Variants in CLSTN1 observed in about 807,000 individuals in gnomAD.
CLSTN1 encodes the protein calsyntenin 1, also known as calsyntenin-1.
Under a neutral mutation model 108.3 loss-of-function variants are expected in CLSTN1, and 28 were observed. That is an observed-to-expected ratio of 0.26 (90% CI 0.19 to 0.35). The LOEUF (loss-of-function observed/expected upper bound fraction) is 0.35. Ranked by LOEUF, CLSTN1 falls within the 10% of genes least tolerant of loss-of-function variation. CLSTN1 has a pLI of 1.00. For missense variants in CLSTN1, 1,157 were observed against 1,302.6 expected, an observed-to-expected ratio of 0.89 and a Z score of 1.72; for synonymous variants, 524 against 534.9, an observed-to-expected ratio of 0.98 and a Z score of 0.28.
intron 1 of CLSTN1, among the ~76,000 whole-genome samples, chr1:9,786,913 T>C (rs901830967): frequency 6.6e-6 from 1 of 151,288 alleles, no homozygotes. Context: ...GGAACCCCTA[T>C]GTCCTTCTCC....
chr1:9,823,779 GCGGAGCTCT>G lies in CLSTN1; in HGVS notation c.-55_-47del, dbSNP rs1030065555. On this transcript the variant is annotated 5_prime_UTR_variant, in exon 1 of 19. Transcript: ENST00000377298. The surrounding 1 kb of genome is among the most constrained non-coding windows in gnomAD (Gnocchi z 6.3). ...GGCAGGGAGGCGCGCGGGACGCCGAGCGGAGCTCTCGGAGCTCTCGGGGCTCTAGGGGCC... is the reference window on the plus strand; with the variant it reads ...GGCAGGGAGGCGCGCGGGACGCCGAGCGGAGCTCTCGGGGCTCTAGGGGCC... 114 of 958,064 alleles carry G rather than the reference GCGGAGCTCT, an allele frequency of 1.2e-4. No homozygotes were observed. Among genetic ancestry groups the G allele is most frequent in the African/African-American group, 1.8e-4 (10 of 56,368 alleles). The allele number at this position is 958,064 out of a possible 1,614,324, so 59.3% of individuals were successfully genotyped here. A position where few individuals can be genotyped will look rare whatever the true frequency, so the allele number is the denominator to read the frequency against.
chr1:9,754,996 T>G, intron 4 of CLSTN1, 118 bp downstream of exon 4: 1 of 750,922 alleles, frequency 1.3e-6, no homozygotes, highest in Non-Finnish European at 2.2e-6. Flanking sequence ...ACTTGAGAAC[T>G]ATCTTCTGCC....
chr1:9,747,906 T>C (rs1651358819), intron 7 of CLSTN1, among the ~76,000 whole-genome samples: 1 of 151,752 alleles, frequency 6.6e-6, no homozygotes, highest in Admixed American at 6.6e-5. Context: ...TAGCCGGGCA[T>C]GGTGGCAGGT....
chr1:9,748,869 GAT>G (rs1470928366), intron 7 of CLSTN1, among the ~76,000 whole-genome samples: 1 of 152,102 alleles, frequency 6.6e-6, no homozygotes, highest in Non-Finnish European at 1.5e-5. Context: ...CTTTTTGGAT[GAT>G]TCTCAGAGTA....
chr1:9,824,228 G>A (rs1655322585), upstream of CLSTN1: 1 of 151,054 alleles, frequency 6.6e-6, no homozygotes, highest in Non-Finnish European at 1.5e-5. This position sits in a 1 kb window ranked among gnomAD's most constrained non-coding sequence, Gnocchi z 5.0. Context: ...CGGCCGGGAG[G>A]GGCCCGGGGG....
intron 9 of CLSTN1, among the ~76,000 whole-genome samples, chr1:9,742,553 A>G (rs1012264744): frequency 5.9e-5 from 9 of 152,226 alleles, no homozygotes; most frequent in Non-Finnish European, 4.4e-5. Context: ...TATGGCTACT[A>G]TAACAGAACT....
chr1:9,749,507 G>A lies in CLSTN1; in HGVS notation c.939C>T (p.Gly313=). 1 of 1,614,170 alleles carries A rather than the reference G, an allele frequency of 6.2e-7. No homozygotes were observed. The highest frequency in any genetic ancestry group is 8.5e-7 in the Non-Finnish European group (1 of 1,180,022). The change falls in exon 7 of 19, where the codon GGC becomes GGT. Residue 313 remains glycine, a synonymous_variant. Transcript: ENST00000377298. Reference sequence around the variant, plus strand: ...TCTCTGAGTAGGTGTCTCGGTCGCAGCCTTTCCCTATGTGGCTGGTTTCTA... The same window carrying A: ...TCTCTGAGTAGGTGTCTCGGTCGCAACCTTTCCCTATGTGGCTGGTTTCTA... ...VELETSHIGK[G]CDRDTYSEKS... is the part of the protein sequence containing the mutation.
chr1:9,791,033 G>A (rs373096700), intron 1 of CLSTN1, among the ~76,000 whole-genome samples: 1 of 150,510 alleles, frequency 6.6e-6, no homozygotes, highest in African/African-American at 2.4e-5. Context: ...TCGGGAGGCC[G>A]AGGCAGGAGA....
chr1:9,763,756 A>G (rs1302089901), intron 2 of CLSTN1, among the ~76,000 whole-genome samples: 2 of 152,050 alleles, frequency 1.3e-5, no homozygotes, highest in African/African-American at 2.4e-5. Flanking sequence ...CACGCCACAC[A>G]AGCTGACCTG....
At chr1:9,738,864 G>A (rs1186310434) in intron 10 of CLSTN1, among the ~76,000 whole-genome samples, 11 of 152,162 alleles carry the variant, frequency 7.2e-5, no homozygotes, top group Admixed American at 7.2e-4. Context: ...GGCCAGGCTG[G>A]TCTCGAAATT....
intron 17 of CLSTN1, 71 bp downstream of exon 17, chr1:9,731,690 G>T: frequency 5.4e-6 from 8 of 1,477,044 alleles, no homozygotes; most frequent in Non-Finnish European, 7.6e-6. Context: ...AGGAGGCTGT[G>T]CCCACGGTGG....
rs755586439 is a variant in CLSTN1 at position 9,823,262 on chromosome 1, G to A, written c.91+381C>T. Among the ~76,000 whole-genome samples, 3 of 152,194 alleles carry A rather than the reference G, an allele frequency of 2.0e-5. No homozygotes were observed. Among genetic ancestry groups the A allele is most frequent in the Non-Finnish European group, 4.4e-5 (3 of 68,012 alleles). On this transcript the variant is annotated intron_variant, in intron 1 of 18. Coordinates refer to ENST00000377298, the MANE Select transcript of CLSTN1 (RefSeq NM_001009566.3). The surrounding 1 kb of genome is among the most constrained non-coding windows in gnomAD (Gnocchi z 6.3). ...GGTGCAGCCCCAGCCTGCGTGCGCC[G>A]CTGAGCAGGGCGGACTGACCCTTCG...
rs968549983 is a variant in CLSTN1 at position 9,729,877 on chromosome 1, G to C, written c.*631C>G. On this transcript the variant is annotated 3_prime_UTR_variant, in exon 19 of 19. Coordinates refer to ENST00000377298, the MANE Select transcript of CLSTN1 (RefSeq NM_001009566.3). ...GCTGGGGCGGGGCTGGGCGGGGTGGGCCTCTCCCTCTGGGGTCTGGGGAGG... is the reference window on the plus strand; with the variant it reads ...GCTGGGGCGGGGCTGGGCGGGGTGGCCCTCTCCCTCTGGGGTCTGGGGAGG... 1 of 154,846 alleles carries C rather than the reference G, an allele frequency of 6.5e-6. No homozygotes were observed. The highest frequency in any genetic ancestry group is 1.4e-5 in the Non-Finnish European group (1 of 69,686). 9.6% of individuals were successfully genotyped at this position (154,846 alleles called of 1,614,324 possible). A position where few individuals can be genotyped will look rare whatever the true frequency, so the allele number is the denominator to read the frequency against.
At chr1:9,812,275 C>T (rs182910787) in intron 1 of CLSTN1, among the ~76,000 whole-genome samples, 1 of 152,254 alleles carries the variant, frequency 6.6e-6, no homozygotes, top group Admixed American at 6.5e-5. Flanking sequence ...AGAGCCTATC[C>T]TTTGCTTGTT....
At chr1:9,802,419 A>T (rs1654311684) in intron 1 of CLSTN1, among the ~76,000 whole-genome samples, 1 of 152,182 alleles carries the variant, frequency 6.6e-6, no homozygotes, top group African/African-American at 2.4e-5. Flanking sequence ...ATTTCAGCAG[A>T]GTGTGCAAAT....
chr1:9,788,475 G>A (rs1400844564), intron 1 of CLSTN1, among the ~76,000 whole-genome samples: 1 of 151,158 alleles, frequency 6.6e-6, no homozygotes, highest in East Asian at 2.0e-4. Flanking sequence ...GACTGAGGCA[G>A]GACAATCGCT....
intron 1 of CLSTN1, among the ~76,000 whole-genome samples, chr1:9,822,669 T>C (rs771375129): frequency 3.9e-5 from 6 of 152,282 alleles, no homozygotes; most frequent in African/African-American, 7.2e-5. Context: ...AAATACTGTA[T>C]CTGCAATGCG....
chr1:9,760,681 CG>C (rs1652026919), intron 2 of CLSTN1, among the ~76,000 whole-genome samples: 1 of 142,786 alleles, frequency 7.0e-6, no homozygotes, highest in East Asian at 2.1e-4. Context: ...CACCCATTCC[CG>C]GGTTTTTTTT....
At chr1:9,787,075 G>C (rs979191927) in intron 1 of CLSTN1, among the ~76,000 whole-genome samples, 1 of 151,138 alleles carries the variant, frequency 6.6e-6, no homozygotes, top group Non-Finnish European at 1.5e-5. Flanking sequence ...GAAGGGGCTG[G>C]GCTGAGACTG....
Sources: gnomAD v4.1 joint callset for allele counts (sites outside exome capture counted in the v4.1 genomes callset) on GRCh38, gnomAD v4.1.1 for gene constraint, Gnocchi (gnomAD v3.1) non-coding constraint, MANE v1.5 for transcripts, NCBI Gene and HGNC (gene_info 2026-07-23, HGNC 2026-07-21) for gene names.